Variants in AFAP1 observed in about 807,000 individuals in gnomAD.
AFAP1 encodes the protein actin filament-associated protein 1.
In AFAP1, 75 loss-of-function variants were observed where a neutral mutation model predicts 93.9. The observed-to-expected ratio is 0.80, with a 90% confidence interval of 0.66 to 0.97. AFAP1 has a LOEUF of 0.97. Among genes scored for constraint, AFAP1 ranks in the 50% least tolerant of loss-of-function variants. AFAP1 has a pLI of 0.00. For synonymous variants in AFAP1, 517 were observed against 430.7 expected (o/e 1.20, Z -2.48); for missense variants, 1,201 against 1,050.8 (o/e 1.14, Z -1.98).
Position 7,939,527 on chromosome 4 carries a change from C to A in AFAP1, c.-3+129G>T. 1 of 357,062 alleles carries A rather than the reference C, an allele frequency of 2.8e-6. No individual in the cohort carries two copies. The highest frequency in any genetic ancestry group is 5.5e-6 in the Non-Finnish European group (1 of 182,574). 22.1% of individuals were successfully genotyped at this position (357,062 alleles called of 1,614,324 possible). ...GCAGCAGGCGCGGAGCCCCCGGTAC[C>A]ACCCGAGGCCGAGACAAAGCCCAGG... On this transcript the variant is annotated intron_variant, in intron 1 of 17. Coordinates refer to ENST00000420658, the MANE Select transcript of AFAP1 (RefSeq NM_001134647.2). This position sits in a 1 kb window ranked among gnomAD's most constrained non-coding sequence, Gnocchi z 5.6.
chr4:7,887,065 G>GA (rs1487627973), intron 1 of AFAP1, among the ~76,000 whole-genome samples: 1 of 152,066 alleles, frequency 6.6e-6, no homozygotes, highest in Non-Finnish European at 1.5e-5. Context: ...AAGGTTTCTA[G>GA]AAAAAATGGC....
chr4:7,789,760 C>T (rs565982990), intron 11 of AFAP1, among the ~76,000 whole-genome samples: 9 of 151,122 alleles, frequency 6.0e-5, no homozygotes, highest in Admixed American at 2.0e-4. Context: ...CCACCCCATC[C>T]GTGCATCTCC....
At chr4:7,891,809 G>C (rs1718490181) in intron 1 of AFAP1, among the ~76,000 whole-genome samples, 1 of 149,322 alleles carries the variant, frequency 6.7e-6, no homozygotes, top group Admixed American at 6.8e-5. Context: ...AGCACTTTGG[G>C]ATGCCAAGGC....
chr4:7,847,433 T>C (rs1054857083), intron 4 of AFAP1, among the ~76,000 whole-genome samples: 1 of 152,176 alleles, frequency 6.6e-6, no homozygotes, highest in African/African-American at 2.4e-5. Context: ...CCGGAAAGTA[T>C]GCTTAGCAAT....
intron 12 of AFAP1, among the ~76,000 whole-genome samples, chr4:7,784,496 G>A (rs978504778): frequency 7.2e-5 from 11 of 152,192 alleles, no homozygotes; most frequent in African/African-American, 2.7e-4. Context: ...TCTGGCCACT[G>A]GGAGACACCC....
intron 1 of AFAP1, among the ~76,000 whole-genome samples, chr4:7,906,841 C>T (rs1271841953): frequency 1.3e-5 from 2 of 152,082 alleles, no homozygotes; most frequent in African/African-American, 4.8e-5. Context: ...GCCAATATGG[C>T]GAAGCCCCAT....
rs1391454140 is a variant in AFAP1 at position 7,939,615 on chromosome 4, C to T, written c.-3+41G>A. 1 of 412,698 alleles carries T rather than the reference C, an allele frequency of 2.4e-6. No homozygotes were observed. The highest frequency in any genetic ancestry group is 4.8e-6 in the Non-Finnish European group (1 of 208,920). 25.6% of individuals were successfully genotyped at this position (412,698 alleles called of 1,614,324 possible). A position where few individuals can be genotyped will look rare whatever the true frequency, so the allele number is the denominator to read the frequency against. On this transcript the variant is annotated intron_variant, in intron 1 of 17. Transcript: ENST00000420658. This position sits in a 1 kb window ranked among gnomAD's most constrained non-coding sequence, Gnocchi z 5.6. Reference sequence around the variant, plus strand: ...CTTCCACGCCCGGGGCAGAGACCCCCGCCGGGTCCGGAGACCCTGCCGCCA... The same window carrying T: ...CTTCCACGCCCGGGGCAGAGACCCCTGCCGGGTCCGGAGACCCTGCCGCCA...
At chr4:7,902,436 T>C (rs1315597910) in intron 1 of AFAP1, among the ~76,000 whole-genome samples, 1 of 152,206 alleles carries the variant, frequency 6.6e-6, no homozygotes, top group Non-Finnish European at 1.5e-5. Context: ...AGTGGTCCCT[T>C]AGACAGGAAG....
intron 16 of AFAP1, among the ~76,000 whole-genome samples, chr4:7,769,549 A>T (rs192440617): frequency 8.6e-5 from 13 of 151,948 alleles, no homozygotes; most frequent in South Asian, 4.2e-4. Flanking sequence ...CCAAAGGAGG[A>T]GGTGTTCAGG....
chr4:7,917,057 T>C (rs1371249120), intron 1 of AFAP1, among the ~76,000 whole-genome samples: 1 of 152,250 alleles, frequency 6.6e-6, no homozygotes, highest in East Asian at 1.9e-4. Context: ...GCTTTGCTTC[T>C]CTCTACTGCA....
At chr4:7,920,714 T>G (rs1720391827) in intron 1 of AFAP1, among the ~76,000 whole-genome samples, 2 of 152,238 alleles carry the variant, frequency 1.3e-5, no homozygotes, top group South Asian at 4.1e-4. Flanking sequence ...TAGCCTGGGC[T>G]TCTTCCTTCG....
intron 1 of AFAP1, among the ~76,000 whole-genome samples, chr4:7,884,269 CT>C (rs1718021357): frequency 6.6e-6 from 1 of 152,170 alleles, no homozygotes; most frequent in African/African-American, 2.4e-5. Context: ...AATTAAATCT[CT>C]TTTCTTTAGA....
chr4:7,791,679 C>T (rs1416124482), intron 11 of AFAP1, among the ~76,000 whole-genome samples: 1 of 148,168 alleles, frequency 6.7e-6, no homozygotes, highest in Non-Finnish European at 1.5e-5. Context: ...TAATAAGACC[C>T]CGTCTCTACC....
chr4:7,918,882 CGG>C (rs1720263284), intron 1 of AFAP1, among the ~76,000 whole-genome samples: 5 of 138,320 alleles, frequency 3.6e-5, no homozygotes, highest in Non-Finnish European at 4.6e-5. Flanking sequence ...ACAGGGCTGC[CGG>C]AAGAGACACT....
At chr4:7,911,964 T>G (rs1228462964) in intron 1 of AFAP1, among the ~76,000 whole-genome samples, 3 of 151,940 alleles carry the variant, frequency 2.0e-5, no homozygotes, top group Non-Finnish European at 4.4e-5. Context: ...TAAGGCAGAG[T>G]TATTAGGTGG....
At chr4:7,908,333 C>T (rs528778502) in intron 1 of AFAP1, among the ~76,000 whole-genome samples, 22 of 152,338 alleles carry the variant, frequency 1.4e-4, no homozygotes, top group Admixed American at 1.4e-3. Context: ...TCGCCATATT[C>T]CATGGCAGCC....
intron 1 of AFAP1, among the ~76,000 whole-genome samples, chr4:7,879,699 C>CTTTTTTTTTTTTTTTTTT (rs552211338): frequency 2.5e-5 from 3 of 121,710 alleles, no homozygotes; most frequent in African/African-American, 9.2e-5. Context: ...TGCTTGCTTG[C>CTTTTTTTTTTTTTTTTTT]TTTTTTTTTT....
intron 1 of AFAP1, among the ~76,000 whole-genome samples, chr4:7,891,295 C>A (rs548050653): frequency 1.3e-5 from 2 of 152,288 alleles, no homozygotes; most frequent in South Asian, 2.1e-4. Flanking sequence ...ACAGCAGGGG[C>A]TGTGAGTGAA....
chr4:7,809,831 C>T (rs1487056952), intron 8 of AFAP1, 68 bp from the exon 9 acceptor site: 3 of 1,528,058 alleles, frequency 2.0e-6, no homozygotes, highest in East Asian at 2.3e-5. Context: ...AAAAAACATA[C>T]ATCAAAACCC....
Sources: gnomAD v4.1 joint callset for allele counts (sites outside exome capture counted in the v4.1 genomes callset) on GRCh38, gnomAD v4.1.1 for gene constraint, Gnocchi (gnomAD v3.1) non-coding constraint, MANE v1.5 for transcripts, NCBI Gene and HGNC (gene_info 2026-07-23, HGNC 2026-07-21) for gene names.